Variants in FAN1 observed in about 807,000 individuals in gnomAD.
The protein encoded by FAN1 is FANCD2 and FANCI associated nuclease 1.
Under a neutral mutation model 104.9 loss-of-function variants are expected in FAN1, and 91 were observed. That is an observed-to-expected ratio of 0.87 (90% CI 0.73 to 1.03). The LOEUF is 1.03. FAN1 is among the 50% of genes least tolerant of loss of function. FAN1 has a pLI of 0.00. For missense variants in FAN1, 1,263 were observed against 1,239.9 expected (o/e 1.02, Z -0.28); for synonymous variants, 478 against 457.6 (o/e 1.04, Z -0.57).
rs1411382682 is a variant in FAN1, at chr15:30,927,472, CAGAG to C, written c.2489-1078_2489-1075del. The C allele has an allele frequency of 3.4e-5, 34 of 985,698 alleles. No individual in the cohort carries two copies. The Admixed American group carries it at 6.8e-4, about 20-fold the overall frequency. 61.1% of individuals were successfully genotyped at this position (985,698 alleles called of 1,614,324 possible). A position where few individuals can be genotyped will look rare whatever the true frequency, so the allele number is the denominator to read the frequency against. Reference sequence around the variant, plus strand: ...GGCTAGAACTGACAGGAAGACAGGACAGAGAGCAGCACAGCCTCAGAAGTGCAGG... The same window carrying C: ...GGCTAGAACTGACAGGAAGACAGGACAGCAGCACAGCCTCAGAAGTGCAGG... On this transcript the variant is annotated intron_variant, in intron 10 of 14. Transcript: ENST00000362065.
chr15:30,926,759 C>T (rs542698902), intron 10 of FAN1: 3 of 985,382 alleles, frequency 3.0e-6, no homozygotes, highest in Non-Finnish European at 3.6e-6. Flanking sequence ...AGGAAGCAGG[C>T]TGGGACGTGG....
intron 6 of FAN1, among the ~76,000 whole-genome samples, chr15:30,919,992 T>G (rs2062286411): frequency 6.6e-6 from 1 of 152,186 alleles, no homozygotes; most frequent in African/African-American, 2.4e-5. Context: ...AAACAGAGGT[T>G]GATAAACTTC....
intron 8 of FAN1, 21 bp from the exon 9 acceptor site, chr15:30,925,106 T>C: frequency 6.3e-7 from 1 of 1,594,746 alleles, no homozygotes; most frequent in Non-Finnish European, 8.6e-7. Flanking sequence ...GAGCCTGATG[T>C]GTGACCATGC....
chr15:30,921,976 C>CTGGTT (rs1852601438), intron 7 of FAN1, among the ~76,000 whole-genome samples: 1 of 152,166 alleles, frequency 6.6e-6, no homozygotes, highest in African/African-American at 2.4e-5. Context: ...AGATAACACT[C>CTGGTT]TGCAGCACTC....
intron 13 of FAN1, among the ~76,000 whole-genome samples, chr15:30,930,928 C>A (rs2140956011): frequency 6.6e-6 from 1 of 152,282 alleles, no homozygotes; most frequent in East Asian, 1.9e-4. Context: ...TTCCATCACT[C>A]CTGCTGTATT....
At chr15:30,939,117 C>T (rs2062952408) in intron 14 of FAN1, 5 of 985,332 alleles carry the variant, frequency 5.1e-6, no homozygotes, top group Non-Finnish European at 6.0e-6. Flanking sequence ...GTTACTACTG[C>T]AGCAAGCAGA....
intron 13 of FAN1, among the ~76,000 whole-genome samples, chr15:30,936,604 CAACTT>C (rs1175984518): frequency 6.6e-6 from 1 of 152,228 alleles, no homozygotes; most frequent in Non-Finnish European, 1.5e-5. Flanking sequence ...AGACGCTTCT[CAACTT>C]ATGATGGCCT....
intron 10 of FAN1, chr15:30,926,778 A>G: frequency 4.1e-6 from 4 of 985,428 alleles, no homozygotes; most frequent in Non-Finnish European, 4.8e-6. Context: ...GGGAGCGCTG[A>G]AATGCTTTCA....
rs1457611781 is a variant in FAN1 at position 30,925,896 on chromosome 15, G to A, written c.2445G>A (p.Glu815=). The change falls in exon 10 of 15, where the codon GAG becomes GAA. Residue 815 remains glutamate (E), a synonymous_variant. Coordinates refer to ENST00000362065, the MANE Select transcript of FAN1 (RefSeq NM_014967.5). ...CCACCACGGTCCTGTGCTCTGTGGA[G>A]GAGCTGGCACTGGCCCATTACAGAC... The part of the protein sequence containing the change: ...ADPTTVLCSV[E]ELALAHYRRS... 4.3e-6 allele frequency: 7 copies of A among 1,614,124 alleles called. No individual in the cohort carries two copies. The highest frequency in any genetic ancestry group is 5.9e-6 in the Non-Finnish European group (7 of 1,180,054).
intron 13 of FAN1, among the ~76,000 whole-genome samples, chr15:30,935,195 C>T (rs1040848846): frequency 6.6e-6 from 1 of 151,968 alleles, no homozygotes; most frequent in Non-Finnish European, 1.5e-5. Context: ...GTAGTCCCAG[C>T]TGCTTGGGAG....
chr15:30,927,011 AC>A (rs1345240981), intron 10 of FAN1: 2 of 985,390 alleles, frequency 2.0e-6, no homozygotes, highest in East Asian at 2.3e-4. Flanking sequence ...AGCATGGACC[AC>A]TTAGGAGTTA....
At position 30,925,818 on chromosome 15, in the gene FAN1, G is replaced by A. The variant is rs749771658; in HGVS notation, c.2367G>A (p.Gln789=). The change falls in exon 10 of 15, where the codon CAG becomes CAA. Residue 789 remains glutamine (Q), a synonymous_variant. Transcript: ENST00000362065. ...CCATCACAGGCAGGCTGTGCCCACA[G>A]CGTGGGATGTGCAAGTCTGTGTTTG... ...HVTITGRLCP[Q]RGMCKSVFVM... 2 of 1,614,196 alleles carry A rather than the reference G, an allele frequency of 1.2e-6. No homozygotes were observed. Among genetic ancestry groups the A allele is most frequent in the South Asian group, 2.2e-5 (2 of 91,090 alleles).
chr15:30,932,078 C>T (rs567385907), intron 13 of FAN1, among the ~76,000 whole-genome samples: 16 of 151,694 alleles, frequency 1.1e-4, no homozygotes, highest in Admixed American at 3.3e-4. Flanking sequence ...AAAAATTAGC[C>T]GGGTGTGGTG....
chr15:30,939,780 C>T (rs866908155), intron 14 of FAN1: 39 of 985,054 alleles, frequency 4.0e-5, no homozygotes, highest in Middle Eastern at 1.0e-3. Flanking sequence ...TGGCAGGATA[C>T]GCTGTGGTGT....
Position 30,904,699 on chromosome 15 carries a change from G to C in FAN1, c.36G>C (p.Arg12Ser). 8.7e-6 allele frequency: 14 copies of C among 1,605,862 alleles called. No homozygotes were observed. The highest frequency in any genetic ancestry group is 1.2e-5 in the Non-Finnish European group (14 of 1,175,950). ...MSEGKPPDKK[R>S]PRRSLSISKN... ...AAGGGAAACCTCCTGACAAAAAAAGGCCTCGTAGAAGCTTATCAATCAGCA... is the reference window on the plus strand; with the variant it reads ...AAGGGAAACCTCCTGACAAAAAAAGCCCTCGTAGAAGCTTATCAATCAGCA... Residue 12 changes from arginine to serine, a missense_variant, in exon 2 of 15, where the codon AGG (arginine) becomes AGC (serine). Physicochemically the swap from Arg to Ser is moderately radical, Grantham distance 110. Coordinates refer to ENST00000362065, the MANE Select transcript of FAN1 (RefSeq NM_014967.5).
chr15:30,923,503 C>G (rs888012857), intron 8 of FAN1, among the ~76,000 whole-genome samples: 2 of 152,218 alleles, frequency 1.3e-5, no homozygotes. Flanking sequence ...TTCCAGAGGT[C>G]TTACTGGCCA....
chr15:30,918,875 C>T (rs1419842739), intron 6 of FAN1, among the ~76,000 whole-genome samples: 5 of 152,094 alleles, frequency 3.3e-5, no homozygotes, highest in Non-Finnish European at 5.9e-5. Flanking sequence ...ACAGTTGACC[C>T]TTGAATGATG....
chr15:30,928,377 T>C, intron 10 of FAN1, 176 bp from the exon 11 acceptor site: 5 of 1,439,918 alleles, frequency 3.5e-6, no homozygotes, highest in Non-Finnish European at 4.5e-6. Flanking sequence ...CAACATACTG[T>C]ATAAAATAAA....
intron 14 of FAN1, chr15:30,940,373 T>C: frequency 1.0e-6 from 1 of 985,426 alleles, no homozygotes; most frequent in Non-Finnish European, 1.2e-6. Context: ...AGCACTTCTG[T>C]CGCTATTCAA....
Sources: gnomAD v4.1 joint callset for allele counts (sites outside exome capture counted in the v4.1 genomes callset) on GRCh38, gnomAD v4.1.1 for gene constraint, MANE v1.5 for transcripts, NCBI Gene and HGNC (gene_info 2026-07-23, HGNC 2026-07-21) for gene names.